Variants in DIMT1 observed in about 807,000 individuals in gnomAD.
DIMT1 encodes the protein DIM1 rRNA methyltransferase and ribosome maturation factor, also known as dimethyladenosine transferase.
In DIMT1, 36 loss-of-function variants were observed where a neutral mutation model predicts 43.2. That is an observed-to-expected ratio of 0.83 (90% CI 0.64 to 1.10). The LOEUF (loss-of-function observed/expected upper bound fraction) is 1.10. Among genes scored for constraint, DIMT1 ranks in the 50% least tolerant of loss-of-function variants. The probability of loss-of-function intolerance (pLI) is 0.00; values close to 1 mark genes in which losing one functional copy is unlikely to be tolerated. For synonymous variants in DIMT1, 126 were observed against 130.3 expected (o/e 0.97, Z 0.22); for missense variants, 341 against 385.3 (o/e 0.88, Z 0.96).
rs1313030420 is a variant in DIMT1, at chr5:62,392,226, G to A, written c.737C>T (p.Ala246Val). 3 of 1,612,944 alleles carry A rather than the reference G, an allele frequency of 1.9e-6. No homozygotes were observed. The African/African-American group carries it at 4.0e-5, about 22-fold the overall frequency. ...GTTTTTTTCCAAGAGTTGTTGCACT[G>A]CACTTGATCTATAGCATAAAGAAGT... ...KTLSAAFKSSAVQQLLEKNYR... is the reference protein window; with the variant it reads ...KTLSAAFKSSVVQQLLEKNYR... Residue 246 changes from alanine (A) to valine (V), a missense_variant, in exon 10 of 12, where the codon GCA (alanine) becomes GTA (valine). Physicochemically the swap from Ala to Val is moderately conservative, Grantham distance 64 (BLOSUM62 0). Coordinates refer to ENST00000199320, the MANE Select transcript of DIMT1 (RefSeq NM_014473.4).
chr5:62,391,591 T>TA (rs1742306962), intron 10 of DIMT1: 1 of 619,668 alleles, frequency 1.6e-6, no homozygotes, highest in Non-Finnish European at 2.1e-6. Flanking sequence ...TTCTGAGTCA[T>TA]AAAAAATAAA....
chr5:62,396,307 G>C (rs1001229692), intron 6 of DIMT1, among the ~76,000 whole-genome samples: 5 of 151,822 alleles, frequency 3.3e-5, no homozygotes, highest in African/African-American at 9.7e-5. Context: ...CTCAGGAGGG[G>C]GAGACAGCCT....
intron 7 of DIMT1, 56 bp from the exon 8 acceptor site, chr5:62,394,103 C>A: frequency 6.7e-7 from 1 of 1,488,710 alleles, no homozygotes. Flanking sequence ...TATTTAGTAA[C>A]CAGATATGCT....
In DIMT1 at chr5:62,402,106, G is replaced by C; in HGVS notation, c.170C>G (p.Thr57Ser). The C allele has an allele frequency of 6.2e-7, 1 of 1,613,904 alleles. No individual in the cohort carries two copies. The highest frequency in any genetic ancestry group is 1.1e-5 in the South Asian group (1 of 91,078). Residue 57 changes from threonine to serine, a missense_variant, in exon 3 of 12, where the codon ACT (threonine) becomes AGT (serine). Transcript: ENST00000199320. ...SIIDKAALRP[T>S]DVVLEVGPGT... ...AGGTCCAACTTCCAGCACTACATCA[G>C]TTGGTCTTAAGGCAGCCTAAAAGCA...
chr5:62,403,609 G>T, intron 1 of DIMT1, 85 bp downstream of exon 1: 1 of 1,476,366 alleles, frequency 6.8e-7, no homozygotes, highest in South Asian at 1.2e-5. Flanking sequence ...GGCCTCTGCC[G>T]ATCAGGTCTT....
intron 6 of DIMT1, among the ~76,000 whole-genome samples, chr5:62,395,473 A>G (rs1742452455): frequency 6.6e-6 from 1 of 152,234 alleles, no homozygotes; most frequent in Admixed American, 6.5e-5. Flanking sequence ...AAGCCAAGCC[A>G]CAAATGTCTG....
intron 11 of DIMT1, among the ~76,000 whole-genome samples, chr5:62,390,264 T>C (rs971907528): frequency 3.9e-5 from 6 of 152,224 alleles, no homozygotes; most frequent in East Asian, 1.9e-4. Flanking sequence ...TGAAGCCTTA[T>C]TCTGTTTTCA....
At chr5:62,389,417 C>T (rs990559577) in intron 11 of DIMT1, among the ~76,000 whole-genome samples, 1 of 138,476 alleles carries the variant, frequency 7.2e-6, no homozygotes, top group Non-Finnish European at 1.5e-5. Flanking sequence ...ACCCAGGAGG[C>T]GGAGGTTGCA....
chr5:62,391,083 T>TA (rs1742293289), intron 10 of DIMT1, 101 bp from the exon 11 acceptor site: 1 of 889,116 alleles, frequency 1.1e-6, no homozygotes, highest in Admixed American at 2.1e-5. Flanking sequence ...TCACCTTTAA[T>TA]ATATCTGTTA....
At position 62,398,506 on chromosome 5, in the gene DIMT1, C is replaced by G. The variant is rs1339436225; in HGVS notation, c.446+5G>C. Reference sequence around the variant, plus strand: ...TGGCAGTAACTCTAGTCTTTTGTCACAAACCTGAAAAAAGGTCGATGTAGC... The same window carrying G: ...TGGCAGTAACTCTAGTCTTTTGTCAGAAACCTGAAAAAAGGTCGATGTAGC... On this transcript the variant is annotated splice_donor_5th_base_variant and intron_variant, in intron 6 of 11. Coordinates refer to ENST00000199320, the MANE Select transcript of DIMT1 (RefSeq NM_014473.4). The G allele has an allele frequency of 6.2e-7, 1 of 1,611,462 alleles. No individual in the cohort carries two copies. Among genetic ancestry groups the G allele is most frequent in the Non-Finnish European group, 8.5e-7 (1 of 1,177,878 alleles).
At position 62,398,876 on chromosome 5, in the gene DIMT1, A is replaced by G. The variant is rs752487576; in HGVS notation, c.246T>C (p.Val82=). Reference sequence around the variant, plus strand: ...CTAGCCTTGGGTCAAGTTCACAAGCAACAACCTAATTTAAAAAAAATAAAA... The same window carrying G: ...CTAGCCTTGGGTCAAGTTCACAAGCGACAACCTAATTTAAAAAAAATAAAA... ...VKLLEKAKKV[V]ACELDPRLVA... Residue 82 remains valine (V), a synonymous_variant, in exon 4 of 12, where the codon GTT becomes GTC. Coordinates refer to ENST00000199320, the MANE Select transcript of DIMT1 (RefSeq NM_014473.4). 9 of 1,610,122 alleles carry G rather than the reference A, an allele frequency of 5.6e-6. No individual in the cohort carries two copies. The highest frequency in any genetic ancestry group is 7.6e-6 in the Non-Finnish European group (9 of 1,178,008).
intron 9 of DIMT1, 142 bp from the exon 10 acceptor site, chr5:62,392,376 G>A (rs939366307): frequency 1.5e-6 from 1 of 653,588 alleles, no homozygotes; most frequent in Non-Finnish European, 2.6e-6. Flanking sequence ...TATTCTGTAT[G>A]GTGAAATTAA....
At chr5:62,403,139 G>T in intron 2 of DIMT1, 134 bp downstream of exon 2, 1 of 773,638 alleles carries the variant, frequency 1.3e-6, no homozygotes, top group Non-Finnish European at 2.1e-6. Context: ...AAGAATCCTA[G>T]ACAATTATTT....
chr5:62,401,930 T>G, intron 3 of DIMT1, 106 bp downstream of exon 3: 1 of 1,108,678 alleles, frequency 9.0e-7, no homozygotes, highest in Non-Finnish European at 1.3e-6. Context: ...GGATCAGGAG[T>G]TACTACTAAA....
At position 62,396,139 on chromosome 5, in the gene DIMT1, G is replaced by GTTTTTTTTTTTTTTTTTTTTTTTTTTTTT. The variant is rs758847833; in HGVS notation, c.447-1533_447-1532insAAAAAAAAAAAAAAAAAAAAAAAAAAAAA. On this transcript the variant is annotated intron_variant, in intron 6 of 11. Transcript: ENST00000199320. ...GGGGAATTTAGCCATGTCACTGCAG[G>GTTTTTTTTTTTTTTTTTTTTTTTTTTTTT]TTTTTTTTTTTTACATTATTAACTG... Among the ~76,000 whole-genome samples the GTTTTTTTTTTTTTTTTTTTTTTTTTTTTT allele has an allele frequency of 1.5e-3, 177 of 116,732 alleles. 29 individuals are homozygous for GTTTTTTTTTTTTTTTTTTTTTTTTTTTTT. Among genetic ancestry groups the GTTTTTTTTTTTTTTTTTTTTTTTTTTTTT allele is most frequent in the Non-Finnish European group, 1.7e-3 (98 of 58,686 alleles). 76.6% of individuals were successfully genotyped at this position (116,732 alleles called of 152,430 possible).
rs775533413 is a variant in DIMT1, at chr5:62,389,485, C to CAAAAAAA, written c.900-440_900-434dup. Among the ~76,000 whole-genome samples the CAAAAAAA allele has an allele frequency of 1.6e-3, 122 of 75,748 alleles. 2 individuals are homozygous for CAAAAAAA. Among genetic ancestry groups the CAAAAAAA allele is most frequent in the African/African-American group, 3.3e-3 (58 of 17,502 alleles). The allele number at this position is 75,748 out of a possible 152,430, so 49.7% of individuals were successfully genotyped here. On this transcript the variant is annotated intron_variant, in intron 11 of 11. Transcript: ENST00000199320. Reference sequence around the variant, plus strand: ...TGGGTGACAGAGCAAGACTCTGTCTCAAAAAAAAAAAAAAAAGAAATGTTA... The same window carrying CAAAAAAA: ...TGGGTGACAGAGCAAGACTCTGTCTCAAAAAAAAAAAAAAAAAAAAAAAGAAATGTTA...
In DIMT1 at chr5:62,392,999, G is replaced by A. The variant is rs150822218; in HGVS notation, c.664-9C>T. On this transcript the variant is annotated splice_polypyrimidine_tract_variant and intron_variant, in intron 8 of 11. Transcript: ENST00000199320. Reference sequence around the variant, plus strand: ...ACTAGACCATCCCATTCCTGAAATAGAAGATAGACATTTTCTTCAAATTAC... The same window carrying A: ...ACTAGACCATCCCATTCCTGAAATAAAAGATAGACATTTTCTTCAAATTAC... 6.0e-4 allele frequency: 951 copies of A among 1,597,044 alleles called. 15 individuals are homozygous for A. The East Asian group carries it at 0.019, about 33-fold the overall frequency.
chr5:62,395,912 A>G (rs1172463353), intron 6 of DIMT1, among the ~76,000 whole-genome samples: 2 of 152,108 alleles, frequency 1.3e-5, no homozygotes, highest in Admixed American at 6.6e-5. Flanking sequence ...AGGCTGAGGT[A>G]GGAGAATCAT....
chr5:62,403,646 CG>C (rs1561295335), intron 1 of DIMT1, 47 bp downstream of exon 1: 3 of 1,568,178 alleles, frequency 1.9e-6, no homozygotes, highest in African/African-American at 1.4e-5. Flanking sequence ...TAGGTCCTGC[CG>C]GAAGACCTGA....
Sources: gnomAD v4.1 joint callset for allele counts (sites outside exome capture counted in the v4.1 genomes callset) on GRCh38, gnomAD v4.1.1 for gene constraint, MANE v1.5 for transcripts, NCBI Gene and HGNC (gene_info 2026-07-23, HGNC 2026-07-21) for gene names.